The following CDKAL1 variants were observed in gnomAD, a reference collection of about 807,000 sequenced individuals.
The protein encoded by CDKAL1 is threonylcarbamoyladenosine tRNA methylthiotransferase.
CDKAL1 carries 32 observed loss-of-function variants against 68.2 expected under a neutral mutation model. That is an observed-to-expected ratio of 0.47 (90% CI 0.35 to 0.63). The LOEUF (loss-of-function observed/expected upper bound fraction) is 0.63. Among genes scored for constraint, CDKAL1 ranks in the 30% least tolerant of loss-of-function variants. The pLI, the probability that CDKAL1 is intolerant of heterozygous loss-of-function variation, is 0.00. For synonymous variants in CDKAL1, 234 were observed against 244.3 expected (o/e 0.96, Z 0.39); for missense variants, 606 against 696.7 (o/e 0.87, Z 1.47).
intron 8 of CDKAL1, among the ~76,000 whole-genome samples, chr6:20,835,999 TCTC>T (rs1777924365): frequency 2.0e-5 from 3 of 152,130 alleles, no homozygotes; most frequent in Admixed American, 6.6e-5. Context: ...CCCTTTCTCT[TCTC>T]CTTCCTTCTC....
rs562356160 is a variant in CDKAL1, at chr6:21,114,207, C to T, written c.1299+5744C>T. Reference sequence around the variant, plus strand: ...AGCTTGCAGTGAGCCGAGATCTCGCCACTGCACTCTGGCCTGGGCAACAGA... The same window carrying T: ...AGCTTGCAGTGAGCCGAGATCTCGCTACTGCACTCTGGCCTGGGCAACAGA... On this transcript the variant is annotated intron_variant, in intron 13 of 15. Coordinates refer to ENST00000274695, the MANE Select transcript of CDKAL1 (RefSeq NM_017774.3). Among the ~76,000 whole-genome samples, 218 of 145,718 alleles carry T rather than the reference C, an allele frequency of 1.5e-3. 2 individuals are homozygous for T. Among genetic ancestry groups the T allele is most frequent in the Middle Eastern group, 7.2e-3 (2 of 276 alleles).
chr6:20,544,409 A>G (rs1763507716), intron 2 of CDKAL1, among the ~76,000 whole-genome samples: 1 of 151,684 alleles, frequency 6.6e-6, no homozygotes, highest in Non-Finnish European at 1.5e-5. Flanking sequence ...CATCCTGGCT[A>G]ACACGGTGAA....
intron 5 of CDKAL1, among the ~76,000 whole-genome samples, chr6:20,675,112 A>C (rs1770028694): frequency 6.6e-6 from 1 of 151,996 alleles, no homozygotes; most frequent in Non-Finnish European, 1.5e-5. Flanking sequence ...AAATAATAAA[A>C]TATTATCATT....
intron 5 of CDKAL1, among the ~76,000 whole-genome samples, chr6:20,661,226 C>T (rs1769270055): frequency 6.6e-6 from 1 of 152,126 alleles, no homozygotes; most frequent in African/African-American, 2.4e-5. Flanking sequence ...GTCTTATTAT[C>T]TATCATATGT....
At chr6:20,977,578 A>G (rs1217534993) in intron 10 of CDKAL1, among the ~76,000 whole-genome samples, 1 of 152,176 alleles carries the variant, frequency 6.6e-6, no homozygotes, top group Non-Finnish European at 1.5e-5. Context: ...ATTTTTAAAA[A>G]ATAATTTATA....
rs977285498 is a variant in CDKAL1 at position 20,899,491 on chromosome 6, A to T, written c.742+53313A>T. ...ATGATGCTGCTTTTTAAAACCACTT[A>T]CTGGTAAAATAATATTTACCTGGTA... On this transcript the variant is annotated intron_variant, in intron 9 of 15. Transcript: ENST00000274695. Among the ~76,000 whole-genome samples, 3 of 152,032 alleles carry T rather than the reference A, an allele frequency of 2.0e-5. No homozygotes were observed. In the South Asian group the frequency reaches 6.2e-4, roughly 32 times the overall value.
intron 9 of CDKAL1, among the ~76,000 whole-genome samples, chr6:20,849,582 C>CAA (rs35879846): frequency 9.5e-6 from 1 of 105,750 alleles, no homozygotes; most frequent in African/African-American, 3.5e-5. Flanking sequence ...GACTCCGTCT[C>CAA]AAAAAAAAAA....
At chr6:20,887,389 C>T (rs138544193) in intron 9 of CDKAL1, among the ~76,000 whole-genome samples, 7 of 152,076 alleles carry the variant, frequency 4.6e-5, no homozygotes, top group African/African-American at 1.4e-4. Flanking sequence ...CTATTTTAGT[C>T]GTAACCACCA....
intron 10 of CDKAL1, among the ~76,000 whole-genome samples, chr6:20,980,558 C>G (rs1766091099): frequency 1.3e-5 from 2 of 152,128 alleles, no homozygotes; most frequent in Non-Finnish European, 1.5e-5. Context: ...GAAACATTTC[C>G]TTTGGATTGT....
At chr6:20,913,172 T>G (rs1399353790) in intron 9 of CDKAL1, among the ~76,000 whole-genome samples, 2 of 144,068 alleles carry the variant, frequency 1.4e-5, no homozygotes, top group Non-Finnish European at 3.0e-5. Flanking sequence ...ACCACAAATG[T>G]AGAAGCTTAA....
chr6:21,218,540 G>A (rs894894220), intron 15 of CDKAL1, among the ~76,000 whole-genome samples: 13 of 152,254 alleles, frequency 8.5e-5, no homozygotes, highest in Admixed American at 3.3e-4. Flanking sequence ...CCCAACTGGG[G>A]AGGATCTGCT....
At chr6:21,208,768 G>C (rs569044753) in intron 15 of CDKAL1, among the ~76,000 whole-genome samples, 21 of 152,270 alleles carry the variant, frequency 1.4e-4, no homozygotes, top group African/African-American at 4.8e-4. Context: ...GGACGTATTT[G>C]AGTTTCACAG....
chr6:20,628,497 A>C (rs1767529746), intron 4 of CDKAL1, among the ~76,000 whole-genome samples: 1 of 152,268 alleles, frequency 6.6e-6, no homozygotes, highest in East Asian at 1.9e-4. Context: ...CTATTTAGGG[A>C]AAGATTTATT....
intron 10 of CDKAL1, among the ~76,000 whole-genome samples, chr6:20,961,148 A>C (rs547653685): frequency 6.6e-6 from 1 of 152,228 alleles, no homozygotes; most frequent in Non-Finnish European, 1.5e-5. Context: ...GCATATGTTC[A>C]TTGCAGCACT....
chr6:21,103,345 A>G (rs1773677782), intron 12 of CDKAL1, among the ~76,000 whole-genome samples: 1 of 151,868 alleles, frequency 6.6e-6, no homozygotes, highest in Non-Finnish European at 1.5e-5. Context: ...GAATGATTAC[A>G]TTGTCTGGAA....
At chr6:20,988,356 A>G (rs565243479) in intron 10 of CDKAL1, among the ~76,000 whole-genome samples, 24 of 152,228 alleles carry the variant, frequency 1.6e-4, no homozygotes, top group Admixed American at 1.4e-3. Flanking sequence ...TGTTCTGGAA[A>G]TACCCTCACA....
chr6:20,644,801 C>G (rs964455009), intron 4 of CDKAL1, among the ~76,000 whole-genome samples: 6 of 152,142 alleles, frequency 3.9e-5, no homozygotes, highest in African/African-American at 1.4e-4. Context: ...TCACAGAATT[C>G]CTATTGATTG....
intron 8 of CDKAL1, among the ~76,000 whole-genome samples, chr6:20,811,723 G>A (rs908074027): frequency 1.3e-5 from 2 of 150,910 alleles, no homozygotes; most frequent in African/African-American, 2.4e-5. Context: ...GCTAATCTGC[G>A]GGTTATGTGT....
intron 8 of CDKAL1, among the ~76,000 whole-genome samples, chr6:20,820,512 T>C (rs1044723836): frequency 6.6e-6 from 1 of 152,178 alleles, no homozygotes; most frequent in Admixed American, 6.5e-5. Flanking sequence ...GGAATTCTTA[T>C]CCACCAGGCT....
Sources: gnomAD v4.1 joint callset for allele counts (sites outside exome capture counted in the v4.1 genomes callset) on GRCh38, gnomAD v4.1.1 for gene constraint, MANE v1.5 for transcripts, NCBI Gene and HGNC (gene_info 2026-07-23, HGNC 2026-07-21) for gene names.